FGGY: variants seen among roughly 807,000 people sequenced by gnomAD.
FGGY encodes FGGY carbohydrate kinase domain-containing protein.
FGGY carries 72 observed loss-of-function variants against 71.3 expected under a neutral mutation model. That is an observed-to-expected ratio of 1.01 (90% CI 0.84 to 1.23). FGGY has a LOEUF of 1.23. FGGY is among the 50% of genes most tolerant of loss of function. The pLI is 0.00. For synonymous variants in FGGY, 251 were observed against 250.3 expected, an observed-to-expected ratio of 1.00 and a Z score of -0.02; for missense variants, 668 against 682.3, an observed-to-expected ratio of 0.98 and a Z score of 0.23.
chr1:59,589,809 G>A (rs1350406483), intron 8 of FGGY, among the ~76,000 whole-genome samples: 1 of 152,078 alleles, frequency 6.6e-6, no homozygotes, highest in African/African-American at 2.4e-5. Flanking sequence ...GAAATTTATA[G>A]CACTAAATGC....
At chr1:59,749,251 G>A (rs551608026) in intron 14 of FGGY, among the ~76,000 whole-genome samples, 8 of 152,200 alleles carry the variant, frequency 5.3e-5, no homozygotes, top group South Asian at 2.1e-4. Context: ...TCCATAAGCC[G>A]ATTCTAGCAA....
chr1:59,723,335 T>C (rs987084733), intron 14 of FGGY, among the ~76,000 whole-genome samples: 1 of 152,210 alleles, frequency 6.6e-6, no homozygotes, highest in African/African-American at 2.4e-5. Context: ...TGTAATCTAT[T>C]GCCACATGGA....
intron 9 of FGGY, among the ~76,000 whole-genome samples, chr1:59,610,102 C>T (rs1044150660): frequency 2.6e-5 from 4 of 152,204 alleles, no homozygotes; most frequent in African/African-American, 9.7e-5. Flanking sequence ...TTCCGGGATA[C>T]AAGTGCAGAA....
intron 4 of FGGY, among the ~76,000 whole-genome samples, chr1:59,363,864 G>A (rs1433412205): frequency 1.3e-5 from 2 of 152,192 alleles, no homozygotes; most frequent in Non-Finnish European, 2.9e-5. Flanking sequence ...AGTTTAAGTT[G>A]TGGTCTTATT....
In FGGY at chr1:59,549,632, G is replaced by T. The variant is rs140884820; in HGVS notation, c.800-4492G>T. The stretch of plus-strand genomic sequence containing the variant: ...TGCAAGCTATAAAGTACTTTATATG[G>T]CTATAAAGTGGGAGATAATTATAAC... On this transcript the variant is annotated intron_variant, in intron 7 of 15. Transcript: ENST00000303721. 1.2e-4 allele frequency among the ~76,000 whole-genome samples: 18 copies of T among 152,312 alleles called. No individual in the cohort carries two copies. In the East Asian group the frequency reaches 1.7e-3, roughly 15 times the overall value.
At chr1:59,621,301 T>C (rs2096803941) in intron 9 of FGGY, among the ~76,000 whole-genome samples, 1 of 152,036 alleles carries the variant, frequency 6.6e-6, no homozygotes, top group African/African-American at 2.4e-5. Context: ...ATGTCAAAGA[T>C]ACATAAATGT....
intron 14 of FGGY, among the ~76,000 whole-genome samples, chr1:59,697,313 C>G (rs1306901174): frequency 6.6e-6 from 1 of 152,196 alleles, no homozygotes; most frequent in African/African-American, 2.4e-5. Flanking sequence ...TTTCATCTTG[C>G]AAAACTGAAA....
chr1:59,469,679 T>C (rs2092837406), intron 6 of FGGY, among the ~76,000 whole-genome samples: 1 of 152,140 alleles, frequency 6.6e-6, no homozygotes, highest in Non-Finnish European at 1.5e-5. Flanking sequence ...GTTTTACATA[T>C]TATTTTGTCA....
At chr1:59,537,317 A>G (rs1252251386) in intron 7 of FGGY, among the ~76,000 whole-genome samples, 1 of 152,178 alleles carries the variant, frequency 6.6e-6, no homozygotes, top group African/African-American at 2.4e-5. Flanking sequence ...TTCAAGGAGA[A>G]CTACAAACCA....
intron 5 of FGGY, among the ~76,000 whole-genome samples, chr1:59,404,675 C>A (rs1216500849): frequency 6.6e-6 from 1 of 152,090 alleles, no homozygotes; most frequent in Non-Finnish European, 1.5e-5. Flanking sequence ...TGTTGGAGGG[C>A]TAAACCAGTG....
chr1:59,650,087 C>T (rs1049951463), intron 11 of FGGY, among the ~76,000 whole-genome samples: 1 of 148,478 alleles, frequency 6.7e-6, no homozygotes, highest in African/African-American at 2.6e-5. Flanking sequence ...AGCCTTGATC[C>T]CAGGGATGAA....
chr1:59,426,858 GAAAAA>G (rs34668849), intron 5 of FGGY, among the ~76,000 whole-genome samples: 2 of 135,258 alleles, frequency 1.5e-5, no homozygotes, highest in African/African-American at 2.7e-5. Context: ...GATTAACACT[GAAAAA>G]AAAAAAAAAA....
intron 14 of FGGY, among the ~76,000 whole-genome samples, chr1:59,684,191 A>G (rs939281630): frequency 6.6e-6 from 1 of 152,230 alleles, no homozygotes; most frequent in African/African-American, 2.4e-5. Flanking sequence ...GAGGTTGGGC[A>G]CAGATGGATA....
At chr1:59,328,560 T>C (rs1352495471) in intron 2 of FGGY, among the ~76,000 whole-genome samples, 1 of 152,228 alleles carries the variant, frequency 6.6e-6, no homozygotes, top group Non-Finnish European at 1.5e-5. Context: ...TATTCAGGTG[T>C]TCACTGGAGT....
At chr1:59,604,406 C>A (rs917217577) in intron 8 of FGGY, among the ~76,000 whole-genome samples, 1 of 152,188 alleles carries the variant, frequency 6.6e-6, no homozygotes, top group African/African-American at 2.4e-5. Flanking sequence ...TTGCTTTACA[C>A]AGGATGTCTG....
intron 5 of FGGY, among the ~76,000 whole-genome samples, chr1:59,451,728 G>A (rs912358809): frequency 2.6e-5 from 4 of 151,998 alleles, no homozygotes; most frequent in Non-Finnish European, 5.9e-5. Context: ...ATCCTTGTGT[G>A]TTGAAAATGT....
At chr1:59,442,416 G>GTT (rs757891575) in intron 5 of FGGY, among the ~76,000 whole-genome samples, 1 of 151,896 alleles carries the variant, frequency 6.6e-6, no homozygotes, top group Non-Finnish European at 1.5e-5. Context: ...TTTCCTGTTT[G>GTT]TTTGTTTTTG....
rs115689788 is a variant in FGGY at position 59,343,859 on chromosome 1, A to G, written c.314-2388A>G. ...AGTAGCTGATTGGTCTGTCTTTACT[A>G]TAGGCAGAAGTTTAGCAACAGGTAT... On this transcript the variant is annotated intron_variant, in intron 3 of 15. Coordinates refer to ENST00000303721, the MANE Select transcript of FGGY (RefSeq NM_018291.5). Among the ~76,000 whole-genome samples the G allele has an allele frequency of 9.7e-3, 1,484 of 152,272 alleles. 26 individuals carry two copies. Among genetic ancestry groups the G allele is most frequent in the African/African-American group, 0.034 (1,418 of 41,562 alleles).
intron 10 of FGGY, among the ~76,000 whole-genome samples, chr1:59,633,248 G>T (rs2096925374): frequency 6.6e-6 from 1 of 152,060 alleles, no homozygotes; most frequent in South Asian, 2.1e-4. Context: ...CTGACCTCGT[G>T]GTCTGCCCGC....
Sources: gnomAD v4.1 joint callset for allele counts (sites outside exome capture counted in the v4.1 genomes callset) on GRCh38, gnomAD v4.1.1 for gene constraint, MANE v1.5 for transcripts, NCBI Gene and HGNC (gene_info 2026-07-23, HGNC 2026-07-21) for gene names.